The following LRRC1 variants were observed in gnomAD, a reference collection of about 807,000 sequenced individuals.
LRRC1 encodes the protein leucine-rich repeat-containing protein 1.
LRRC1 carries 28 observed loss-of-function variants against 69.9 expected under a neutral mutation model. That is an observed-to-expected ratio of 0.40 (90% CI 0.30 to 0.55). LRRC1 has a LOEUF of 0.55. LRRC1 is among the 20% of genes least tolerant of loss of function. LRRC1 has a pLI of 0.47. For missense variants in LRRC1, 498 were observed against 609.0 expected (o/e 0.82, Z 1.92); for synonymous variants, 236 against 240.2 (o/e 0.98, Z 0.16).
At chr6:53,801,508 A>G (rs1471637312) in intron 1 of LRRC1, among the ~76,000 whole-genome samples, 1 of 152,214 alleles carries the variant, frequency 6.6e-6, no homozygotes, top group East Asian at 1.9e-4. Context: ...TTTCCCCTTT[A>G]TAGTGCTGAT....
At chr6:53,887,111 GT>G (rs1308099073) in intron 4 of LRRC1, among the ~76,000 whole-genome samples, 1 of 152,108 alleles carries the variant, frequency 6.6e-6, no homozygotes, top group East Asian at 1.9e-4. Flanking sequence ...ACTTTAGCCT[GT>G]TCCTGCATTG....
chr6:53,888,083 T>C (rs2127433113), intron 4 of LRRC1, among the ~76,000 whole-genome samples: 1 of 152,348 alleles, frequency 6.6e-6, no homozygotes, highest in Non-Finnish European at 1.5e-5. Context: ...GTACAATGTG[T>C]GAATGAATTT....
chr6:53,878,439 G>A (rs1767146744), intron 2 of LRRC1, among the ~76,000 whole-genome samples: 1 of 152,232 alleles, frequency 6.6e-6, no homozygotes, highest in Admixed American at 6.5e-5. Context: ...CAACTGGACA[G>A]TCCCATCTGG....
At chr6:53,911,527 T>TC (rs1449128388) in intron 10 of LRRC1, among the ~76,000 whole-genome samples, 1 of 152,190 alleles carries the variant, frequency 6.6e-6, no homozygotes, top group Non-Finnish European at 1.5e-5. Flanking sequence ...GACGATCATA[T>TC]GAATGATAAT....
intron 1 of LRRC1, among the ~76,000 whole-genome samples, chr6:53,838,652 C>G (rs1444166071): frequency 6.6e-6 from 1 of 152,160 alleles, no homozygotes; most frequent in Non-Finnish European, 1.5e-5. Flanking sequence ...CTCAATTATT[C>G]AAATACGTGA....
chr6:53,799,471 A>G (rs191112859), intron 1 of LRRC1, among the ~76,000 whole-genome samples: 238 of 152,216 alleles, frequency 1.6e-3, no homozygotes, highest in African/African-American at 5.5e-3. Context: ...TCCCCTTCCT[A>G]TGGTCAGACT....
At chr6:53,887,883 C>T (rs548530886) in intron 4 of LRRC1, among the ~76,000 whole-genome samples, 2 of 152,180 alleles carry the variant, frequency 1.3e-5, no homozygotes, top group East Asian at 1.9e-4. Context: ...CTTACTGAGT[C>T]GAGTTCCAAG....
intron 2 of LRRC1, among the ~76,000 whole-genome samples, chr6:53,862,286 C>CGT (rs6149589): frequency 0.093 from 13,454 of 144,154 alleles, 644 homozygotes; most frequent in Non-Finnish European, 0.1. Context: ...TAACCTGAAT[C>CGT]GTGTGTGTGT....
At chr6:53,845,395 TA>T (rs1175233532) in intron 2 of LRRC1, among the ~76,000 whole-genome samples, 3 of 152,138 alleles carry the variant, frequency 2.0e-5, no homozygotes, top group African/African-American at 4.8e-5. Flanking sequence ...AGTAGGCAAA[TA>T]AAAGTCACAA....
intron 1 of LRRC1, among the ~76,000 whole-genome samples, chr6:53,834,344 C>CT (rs1013167949): frequency 1.3e-5 from 2 of 152,174 alleles, no homozygotes; most frequent in Non-Finnish European, 2.9e-5. Context: ...TTAGCATGCT[C>CT]TTTTCTTCCG....
intron 1 of LRRC1, among the ~76,000 whole-genome samples, chr6:53,840,927 T>TGTGC (rs578018808): frequency 0.14 from 18,619 of 131,862 alleles, 1,514 homozygotes; most frequent in Middle Eastern, 0.23. Flanking sequence ...TGTGTGTGTG[T>TGTGC]GCGTGCGCGC....
intron 11 of LRRC1, among the ~76,000 whole-genome samples, chr6:53,917,978 T>G (rs959094248): frequency 1.3e-5 from 2 of 152,230 alleles, no homozygotes; most frequent in African/African-American, 4.8e-5. Flanking sequence ...GCACAAGGTA[T>G]TTCAGTTCTG....
intron 1 of LRRC1, among the ~76,000 whole-genome samples, chr6:53,808,459 A>G (rs1764698291): frequency 6.6e-6 from 1 of 152,174 alleles, no homozygotes; most frequent in Non-Finnish European, 1.5e-5. Flanking sequence ...TAATTATAAT[A>G]ATGATAGTCA....
intron 2 of LRRC1, among the ~76,000 whole-genome samples, chr6:53,857,202 G>T (rs1018418516): frequency 6.6e-6 from 1 of 152,152 alleles, no homozygotes; most frequent in Non-Finnish European, 1.5e-5. Context: ...TAGGAATGAA[G>T]TCAGTCAGGG....
chr6:53,850,077 T>TTA (rs56397982), intron 2 of LRRC1, among the ~76,000 whole-genome samples: 3 of 151,542 alleles, frequency 2.0e-5, no homozygotes, highest in Non-Finnish European at 4.4e-5. Flanking sequence ...TTTTTTTTTT[T>TTA]ACTTCAAGCA....
At chr6:53,892,007 T>TACACACACACACAC (rs748031793) in intron 4 of LRRC1, among the ~76,000 whole-genome samples, 134 of 67,218 alleles carry the variant, frequency 2.0e-3, no homozygotes, top group South Asian at 9.8e-3. Context: ...AAAATATATA[T>TACACACACACACAC]ATATACACAC....
intron 2 of LRRC1, among the ~76,000 whole-genome samples, chr6:53,856,066 C>T (rs1291161412): frequency 3.3e-5 from 5 of 152,152 alleles, no homozygotes; most frequent in African/African-American, 1.2e-4. Context: ...TTCTGTCCTT[C>T]CTTAGGGATC....
intron 4 of LRRC1, chr6:53,883,918 ACAGCTT>A (rs1431610050): frequency 5.6e-6 from 4 of 717,648 alleles, no homozygotes; most frequent in Non-Finnish European, 1.0e-5. Flanking sequence ...ATATTTGCAG[ACAGCTT>A]TTCCCTTTCC....
chr6:53,890,697 G>A (rs528803354), intron 4 of LRRC1, among the ~76,000 whole-genome samples: 4 of 152,108 alleles, frequency 2.6e-5, no homozygotes, highest in Non-Finnish European at 5.9e-5. Flanking sequence ...CAAAGCCACC[G>A]TAAGAAAGTT....
Sources: allele counts gnomAD v4.1 joint callset (sites outside exome capture counted in the v4.1 genomes callset), GRCh38; gene constraint gnomAD v4.1.1; transcripts MANE v1.5; gene names NCBI Gene and HGNC (gene_info 2026-07-23, HGNC 2026-07-21).